XYLT1: variants seen among roughly 807,000 people sequenced by gnomAD.
XYLT1 encodes beta-D-xylosyltransferase 1.
Under a neutral mutation model 91.3 loss-of-function variants are expected in XYLT1, and 36 were observed. The ratio of observed to expected loss-of-function variants is 0.39; its 90% CI spans 0.30 to 0.52. XYLT1 has a LOEUF of 0.52. Among genes scored for constraint, XYLT1 ranks in the 20% least tolerant of loss-of-function variants. XYLT1 has a pLI of 0.68. For synonymous variants in XYLT1, 588 were observed against 532.0 expected, an observed-to-expected ratio of 1.11 and a Z score of -1.45; for missense variants, 1,242 against 1,284.5, an observed-to-expected ratio of 0.97 and a Z score of 0.51.
chr16:17,129,368 T>C (rs1379208244), intron 9 of XYLT1, among the ~76,000 whole-genome samples: 1 of 152,130 alleles, frequency 6.6e-6, no homozygotes, highest in East Asian at 1.9e-4. Flanking sequence ...TTCAAGCGAT[T>C]CTCCTGACTC....
At chr16:17,430,084 C>A (rs933502306) in intron 1 of XYLT1, among the ~76,000 whole-genome samples, 12 of 151,822 alleles carry the variant, frequency 7.9e-5, no homozygotes, top group Admixed American at 5.9e-4. Context: ...TTACAGGTGC[C>A]CACCACCGCG....
chr16:17,225,971 A>T (rs2033057977), intron 3 of XYLT1, among the ~76,000 whole-genome samples: 1 of 152,190 alleles, frequency 6.6e-6, no homozygotes, highest in African/African-American at 2.4e-5. Flanking sequence ...TCTGCAAAAA[A>T]TTATAAAAAA....
intron 2 of XYLT1, among the ~76,000 whole-genome samples, chr16:17,290,836 G>A (rs2034211942): frequency 6.6e-6 from 1 of 152,218 alleles, no homozygotes; most frequent in Non-Finnish European, 1.5e-5. Context: ...ATTAATTTGG[G>A]TGATCAGATA....
At chr16:17,309,384 C>T (rs1309385791) in intron 2 of XYLT1, among the ~76,000 whole-genome samples, 1 of 152,200 alleles carries the variant, frequency 6.6e-6, no homozygotes, top group Non-Finnish European at 1.5e-5. Flanking sequence ...CGTGGGTCCT[C>T]ACTCAGCAAA....
At chr16:17,457,412 T>G (rs1184518172) in intron 1 of XYLT1, among the ~76,000 whole-genome samples, 2 of 152,216 alleles carry the variant, frequency 1.3e-5, no homozygotes, top group African/African-American at 2.4e-5. Flanking sequence ...CGTTTTTTGT[T>G]TGCTTTAATT....
At chr16:17,378,866 C>T (rs1476452929) in intron 1 of XYLT1, among the ~76,000 whole-genome samples, 1 of 152,186 alleles carries the variant, frequency 6.6e-6, no homozygotes, top group Non-Finnish European at 1.5e-5. Context: ...AAAACCCACT[C>T]CATCCCCTAC....
chr16:17,435,170 C>T lies in XYLT1; in HGVS notation c.363+35264G>A, dbSNP rs28638267. ...CACCATATGCAAGAGTCAGGGGTTA[C>T]ACCAGGCTGAAGTGTCAGTACATTA... is the stretch of plus-strand genomic sequence containing the variant. On this transcript the variant is annotated intron_variant, in intron 1 of 11. Transcript: ENST00000261381. Among the ~76,000 whole-genome samples the T allele has an allele frequency of 6.3e-3, 959 of 152,344 alleles. 13 individuals are homozygous for T. Among genetic ancestry groups the T allele is most frequent in the African/African-American group, 0.021 (873 of 41,594 alleles).
intron 2 of XYLT1, among the ~76,000 whole-genome samples, chr16:17,324,868 T>C (rs918998286): frequency 1.2e-4 from 18 of 152,238 alleles, no homozygotes; most frequent in African/African-American, 4.3e-4. Flanking sequence ...CTTCTCTTTT[T>C]TTCAAGCTTT....
chr16:17,295,713 C>G (rs1191951541), intron 2 of XYLT1, among the ~76,000 whole-genome samples: 1 of 152,168 alleles, frequency 6.6e-6, no homozygotes, highest in African/African-American at 2.4e-5. Context: ...CTTGCCATGT[C>G]TGGAGACATT....
At chr16:17,328,218 G>T (rs995484558) in intron 2 of XYLT1, among the ~76,000 whole-genome samples, 1 of 152,008 alleles carries the variant, frequency 6.6e-6, no homozygotes, top group Non-Finnish European at 1.5e-5. Context: ...GGGTTGAGAA[G>T]CAGGGCCAGC....
intron 3 of XYLT1, chr16:17,250,461 T>C (rs2033519487): frequency 6.6e-6 from 1 of 152,238 alleles, no homozygotes; most frequent in Non-Finnish European, 1.5e-5. Flanking sequence ...TTATGGCAGC[T>C]TTCACGCTAC....
intron 1 of XYLT1, chr16:17,446,152 A>G (rs2036588433): frequency 6.6e-6 from 1 of 152,214 alleles, no homozygotes; most frequent in Admixed American, 6.5e-5. Context: ...CATCCTATAA[A>G]GGGCTGCCAA....
At chr16:17,281,351 G>A (rs2034056140) in intron 2 of XYLT1, among the ~76,000 whole-genome samples, 1 of 152,150 alleles carries the variant, frequency 6.6e-6, no homozygotes, top group African/African-American at 2.4e-5. Context: ...CCACACCCGG[G>A]GTTGTGACAC....
At chr16:17,325,566 T>C (rs780779440) in intron 2 of XYLT1, among the ~76,000 whole-genome samples, 2 of 152,172 alleles carry the variant, frequency 1.3e-5, no homozygotes, top group Non-Finnish European at 2.9e-5. Flanking sequence ...AAATCAATTA[T>C]GTAGAAAATA....
intron 11 of XYLT1, among the ~76,000 whole-genome samples, chr16:17,110,770 A>C (rs930321491): frequency 1.3e-5 from 2 of 152,196 alleles, no homozygotes; most frequent in Non-Finnish European, 2.9e-5. Flanking sequence ...GGTTAAATCC[A>C]GGACCGACTG....
At chr16:17,467,210 C>A (rs1006687369) in intron 1 of XYLT1, among the ~76,000 whole-genome samples, 2 of 152,152 alleles carry the variant, frequency 1.3e-5, no homozygotes, top group Non-Finnish European at 2.9e-5. Context: ...TTAAATGAAA[C>A]TTACTGAGTA....
rs1294240990 is a variant in XYLT1, at chr16:17,103,246, GGGA to G, written c.*5446_*5448del. The G allele has an allele frequency of 6.6e-6, 1 of 152,618 alleles. No homozygotes were observed. Among genetic ancestry groups the G allele is most frequent in the African/African-American group, 2.4e-5 (1 of 41,442 alleles). 9.5% of individuals were successfully genotyped at this position (152,618 alleles called of 1,614,324 possible). ...TAAAGTCACCCAGTCTTGGGGGCAG[GGGA>G]GGTCTGCAAAGCCTTTTCAAGCACT... is the stretch of plus-strand genomic sequence containing the variant. On this transcript the variant is annotated 3_prime_UTR_variant, in exon 12 of 12. Coordinates refer to ENST00000261381, the MANE Select transcript of XYLT1 (RefSeq NM_022166.4).
intron 2 of XYLT1, among the ~76,000 whole-genome samples, chr16:17,321,780 G>C (rs574631846): frequency 2.6e-5 from 4 of 152,132 alleles, no homozygotes; most frequent in Admixed American, 6.5e-5. Context: ...GAATCTACTC[G>C]GTAGAGACCA....
At chr16:17,318,360 C>T (rs1567372086) in intron 2 of XYLT1, among the ~76,000 whole-genome samples, 1 of 151,848 alleles carries the variant, frequency 6.6e-6, no homozygotes, top group Non-Finnish European at 1.5e-5. Context: ...AAGTCAACAC[C>T]AGCACATGGC....
Sources: gnomAD v4.1 joint callset for allele counts (sites outside exome capture counted in the v4.1 genomes callset) on GRCh38, gnomAD v4.1.1 for gene constraint, MANE v1.5 for transcripts, NCBI Gene and HGNC (gene_info 2026-07-23, HGNC 2026-07-21) for gene names.